PIK3C2G: variants seen among roughly 807,000 people sequenced by gnomAD.
PIK3C2G encodes the protein phosphatidylinositol-4-phosphate 3-kinase catalytic subunit type 2 gamma.
PIK3C2G carries 168 observed loss-of-function variants against 181.1 expected under a neutral mutation model. That is an observed-to-expected ratio of 0.93 (90% CI 0.82 to 1.05). The LOEUF (loss-of-function observed/expected upper bound fraction) is 1.05. PIK3C2G is among the 50% of genes least tolerant of loss of function. The pLI is 0.00. For missense variants in PIK3C2G, 1,869 were observed against 1,732.8 expected (o/e 1.08, Z -1.40); for synonymous variants, 573 against 592.2 (o/e 0.97, Z 0.47).
intron 16 of PIK3C2G, among the ~76,000 whole-genome samples, chr12:18,419,146 C>T (rs1474320282): frequency 6.6e-6 from 1 of 152,010 alleles, no homozygotes; most frequent in Non-Finnish European, 1.5e-5. Context: ...CATCTATGAA[C>T]AAAACAGACA....
chr12:18,546,494 A>G (rs1302177265), intron 26 of PIK3C2G, 62 bp downstream of exon 26: 2 of 888,954 alleles, frequency 2.2e-6, no homozygotes, highest in East Asian at 2.6e-5. Context: ...CATGTTCCAC[A>G]GTGGAGATGA....
chr12:18,575,027 G>A (rs1239689299), intron 29 of PIK3C2G, among the ~76,000 whole-genome samples: 1 of 152,082 alleles, frequency 6.6e-6, no homozygotes, highest in Non-Finnish European at 1.5e-5. Flanking sequence ...GTGCCTCCTA[G>A]TTCAGTAATA....
At chr12:18,554,123 T>G (rs116643911) in intron 26 of PIK3C2G, among the ~76,000 whole-genome samples, 6,804 of 152,166 alleles carry the variant, frequency 0.045, 339 homozygotes, top group African/African-American at 0.13. Context: ...GTTCAACAAT[T>G]ACTTTCTTGA....
chr12:18,720,361 T>G, the PIK3C2G span, among the ~76,000 whole-genome samples: 1 of 151,662 alleles, frequency 6.6e-6, no homozygotes, highest in African/African-American at 2.4e-5. Context: ...ATATACACAT[T>G]TCTGTATGGT....
intron 16 of PIK3C2G, among the ~76,000 whole-genome samples, chr12:18,411,880 T>C (rs1944884703): frequency 6.6e-6 from 1 of 152,154 alleles, no homozygotes; most frequent in South Asian, 2.1e-4. Context: ...CAAAAGTTCT[T>C]TGAGTAAGAT....
At chr12:18,255,402 A>G (rs1388755218) in intron 1 of PIK3C2G, among the ~76,000 whole-genome samples, 2 of 152,164 alleles carry the variant, frequency 1.3e-5, no homozygotes, top group Non-Finnish European at 2.9e-5. Flanking sequence ...CTAATTCTAT[A>G]ACAAAAGTAC....
At chr12:18,684,124 C>CA in the PIK3C2G span, 1 of 1,610,962 alleles carries the variant, frequency 6.2e-7, no homozygotes, top group South Asian at 1.1e-5. Flanking sequence ...CTTTTAGGGA[C>CA]ATTACCTTTG....
chr12:18,608,569 AG>A (rs1380722024), intron 30 of PIK3C2G, among the ~76,000 whole-genome samples: 1 of 85,392 alleles, frequency 1.2e-5, no homozygotes, highest in African/African-American at 4.7e-5. Context: ...GGGTGGGGGG[AG>A]GGGGGAGGAA....
chr12:18,684,159 T>C, the PIK3C2G span: 1 of 1,612,032 alleles, frequency 6.2e-7, no homozygotes, highest in South Asian at 1.1e-5. Flanking sequence ...TGGCAAAGTA[T>C]ATTGCCCAAG....
chr12:18,251,583 C>A (rs1199936296), intron 1 of PIK3C2G, among the ~76,000 whole-genome samples: 1 of 151,866 alleles, frequency 6.6e-6, no homozygotes, highest in Non-Finnish European at 1.5e-5. Context: ...CACAATGCAC[C>A]ATGGTTTAAA....
chr12:18,398,961 C>T (rs1592157133), intron 15 of PIK3C2G, among the ~76,000 whole-genome samples: 4 of 151,900 alleles, frequency 2.6e-5, no homozygotes, highest in Admixed American at 2.6e-4. Flanking sequence ...TTTGGGAGGC[C>T]GAGGCGGGCG....
downstream of PIK3C2G, among the ~76,000 whole-genome samples, chr12:18,651,922 C>T (rs966895189): frequency 1.3e-5 from 2 of 152,142 alleles, no homozygotes; most frequent in African/African-American, 2.4e-5. Flanking sequence ...TCTTTCCATT[C>T]CATCATAACT....
the PIK3C2G span, among the ~76,000 whole-genome samples, chr12:18,678,060 A>G: frequency 4.0e-3 from 603 of 152,154 alleles, 5 homozygotes; most frequent in African/African-American, 0.014. Flanking sequence ...TGGATTTGCT[A>G]TAAATATTAT....
At chr12:18,488,762 C>A in intron 19 of PIK3C2G, 133 bp downstream of exon 19, 2 of 544,290 alleles carry the variant, frequency 3.7e-6, no homozygotes, top group Admixed American at 8.3e-5. Flanking sequence ...TTACTTTAGT[C>A]AAGTTTTTTT....
In PIK3C2G at chr12:18,450,890, C is replaced by T. The variant is rs997593042; in HGVS notation, c.2504+26851C>T. On this transcript the variant is annotated intron_variant, in intron 18 of 32. Transcript: ENST00000538779. ...TTGTCAAAGATCAGATGGTAGTAGACGTGTGGTGTTATTTCTGAGGCCACT... is the reference window on the plus strand; with the variant it reads ...TTGTCAAAGATCAGATGGTAGTAGATGTGTGGTGTTATTTCTGAGGCCACT... Among the ~76,000 whole-genome samples the T allele has an allele frequency of 5.3e-5, 8 of 151,984 alleles. No homozygotes were observed. The East Asian group carries it at 7.8e-4, about 15-fold the overall frequency.
In PIK3C2G at chr12:18,546,405, A is replaced by G. The variant is rs747549981; in HGVS notation, c.3563A>G (p.Asp1188Gly). 1 of 1,595,938 alleles carries G rather than the reference A, an allele frequency of 6.3e-7. No individual in the cohort carries two copies. Residue 1188 changes from aspartate (D) to glycine (G), a missense_variant, in exon 26 of 33, where the codon GAC becomes GGC. Transcript: ENST00000538779. ...AATAATCTTCGTCCACAAGACACAG[A>G]CCTGGAAGCAACAAGTCATTTTACC... ...VYNNLRPQDT[D>G]LEATSHFTKK...
intron 14 of PIK3C2G, among the ~76,000 whole-genome samples, chr12:18,386,108 G>T (rs1370268402): frequency 6.6e-6 from 1 of 151,954 alleles, no homozygotes; most frequent in Non-Finnish European, 1.5e-5. Flanking sequence ...CTCTGGCTTT[G>T]GTGTTACTGC....
intron 14 of PIK3C2G, among the ~76,000 whole-genome samples, chr12:18,385,532 A>C (rs1943109276): frequency 6.6e-6 from 1 of 152,138 alleles, no homozygotes; most frequent in Non-Finnish European, 1.5e-5. Flanking sequence ...GCTGTTTCAT[A>C]GAATTCATGC....
At chr12:18,616,824 T>C (rs2136641642) in intron 31 of PIK3C2G, among the ~76,000 whole-genome samples, 1 of 152,278 alleles carries the variant, frequency 6.6e-6, no homozygotes, top group East Asian at 1.9e-4. Context: ...TTTTGTTTTA[T>C]AAAATTGTTT....
Sources: gnomAD v4.1 joint callset for allele counts (sites outside exome capture counted in the v4.1 genomes callset) on GRCh38, gnomAD v4.1.1 for gene constraint, MANE v1.5 for transcripts, NCBI Gene and HGNC (gene_info 2026-07-23, HGNC 2026-07-21) for gene names.